Variants in ROBO1 observed in about 807,000 individuals in gnomAD.
ROBO1 encodes the protein roundabout guidance receptor 1.
ROBO1 carries 149 observed loss-of-function variants against 195.9 expected under a neutral mutation model. The ratio of observed to expected loss-of-function variants is 0.76; its 90% CI spans 0.67 to 0.87. The LOEUF (loss-of-function observed/expected upper bound fraction) is 0.87, where lower values mean the gene tolerates loss of function less well. Ranked by LOEUF, ROBO1 falls within the 40% of genes least tolerant of loss-of-function variation. ROBO1 has a pLI of 0.00. For missense variants in ROBO1, 1,933 were observed against 2,068.3 expected (o/e 0.93, Z 1.27); for synonymous variants, 816 against 733.2 (o/e 1.11, Z -1.82).
intron 8 of ROBO1, among the ~76,000 whole-genome samples, chr3:78,691,027 A>G (rs938547317): frequency 6.6e-6 from 1 of 152,190 alleles, no homozygotes; most frequent in Non-Finnish European, 1.5e-5. Context: ...TTGTAGGCAT[A>G]TTCTGAAGCC....
At chr3:78,962,046 G>A (rs879642931) in intron 3 of ROBO1, among the ~76,000 whole-genome samples, 8 of 151,836 alleles carry the variant, frequency 5.3e-5, no homozygotes, top group Non-Finnish European at 8.8e-5. Flanking sequence ...AGATAAATTC[G>A]TCAACCCTCA....
chr3:79,708,083 C>CA (rs953465506), intron 1 of ROBO1, among the ~76,000 whole-genome samples: 2 of 152,070 alleles, frequency 1.3e-5, no homozygotes, highest in Admixed American at 1.3e-4. Flanking sequence ...GCTACTGTGG[C>CA]ATATTGACCA....
intron 2 of ROBO1, among the ~76,000 whole-genome samples, chr3:79,446,500 G>T (rs1257697553): frequency 6.6e-6 from 1 of 152,074 alleles, no homozygotes; most frequent in Non-Finnish European, 1.5e-5. Context: ...AATTAGTGTT[G>T]CTTATAATAG....
chr3:79,740,111 T>C (rs942485892), intron 1 of ROBO1, among the ~76,000 whole-genome samples: 7 of 150,114 alleles, frequency 4.7e-5, no homozygotes, highest in African/African-American at 1.7e-4. Flanking sequence ...AATTCCACAA[T>C]TAAATGCACT....
chr3:79,685,811 A>T (rs1167286321), intron 1 of ROBO1, among the ~76,000 whole-genome samples: 3 of 152,148 alleles, frequency 2.0e-5, no homozygotes, highest in Non-Finnish European at 4.4e-5. Context: ...AGCTGGTACC[A>T]TTACTTCTGA....
chr3:79,059,946 G>A (rs1200167505), intron 3 of ROBO1, among the ~76,000 whole-genome samples: 1 of 152,006 alleles, frequency 6.6e-6, no homozygotes, highest in Admixed American at 6.6e-5. Flanking sequence ...GCCGAGCTGG[G>A]CAGAACAGAG....
chr3:79,696,095 G>A (rs116711124), intron 1 of ROBO1, among the ~76,000 whole-genome samples: 3,111 of 151,418 alleles, frequency 0.021, 113 homozygotes, highest in African/African-American at 0.072. Context: ...ATGTTAATAC[G>A]TGAGTATATT....
At chr3:79,335,061 G>A (rs2034609509) in intron 2 of ROBO1, among the ~76,000 whole-genome samples, 1 of 152,288 alleles carries the variant, frequency 6.6e-6, no homozygotes, top group South Asian at 2.1e-4. Context: ...AGGTTGCCAT[G>A]AGCCAAGATC....
At chr3:78,954,534 G>A (rs190673086) in intron 3 of ROBO1, among the ~76,000 whole-genome samples, 143 of 152,178 alleles carry the variant, frequency 9.4e-4, no homozygotes, top group Non-Finnish European at 1.7e-3. Flanking sequence ...TATTTCAGCT[G>A]TTAGAACCAA....
At chr3:79,432,878 A>G (rs566626468) in intron 2 of ROBO1, among the ~76,000 whole-genome samples, 1 of 152,292 alleles carries the variant, frequency 6.6e-6, no homozygotes, top group African/African-American at 2.4e-5. Context: ...ATTATTATTG[A>G]CTTGGAAATA....
Position 78,619,582 on chromosome 3 carries a change from A to T in ROBO1, c.3876-1541T>A, listed in dbSNP as rs551959054. Among the ~76,000 whole-genome samples the T allele has an allele frequency of 2.0e-5, 3 of 151,768 alleles. No homozygotes were observed. In the East Asian group the frequency reaches 6.0e-4, roughly 30 times the overall value. On this transcript the variant is annotated intron_variant, in intron 26 of 30. Coordinates refer to ENST00000464233, the MANE Select transcript of ROBO1 (RefSeq NM_002941.4). ...TTTCTCATTCCATCTTCCCTGCCTT[A>T]GCCCTAGGAGAATGCACCTGGCAGA...
rs66481962 is a variant in ROBO1 at position 79,381,373 on chromosome 3, AAAAAGAAAAG to A, written c.88+208441_88+208450del. ...TCCGTCTCAAAAAAAAAAAAAAAAA[AAAAAGAAAAG>A]AAAAGAAAAGAAAAGAAAAGAAATG... On this transcript the variant is annotated intron_variant, in intron 2 of 30. Transcript: ENST00000464233. Among the ~76,000 whole-genome samples, 181 of 115,436 alleles carry A rather than the reference AAAAAGAAAAG, an allele frequency of 1.6e-3. 1 individual carries two copies. Among genetic ancestry groups the A allele is most frequent in the Middle Eastern group, 5.3e-3 (1 of 190 alleles). The allele number at this position is 115,436 out of a possible 152,430, so 75.7% of individuals were successfully genotyped here.
rs544369170 is a variant in ROBO1, at chr3:78,779,495, CAT to C, written c.500-32597_500-32596del. ...AGAAGGCATTTATGCAGCCAACAAA[CAT>C]ATGAAAAAAAGCTCACCATCACTGG... On this transcript the variant is annotated intron_variant, in intron 4 of 30. Coordinates refer to ENST00000464233, the MANE Select transcript of ROBO1 (RefSeq NM_002941.4). Among the ~76,000 whole-genome samples, 27 of 152,224 alleles carry C rather than the reference CAT, an allele frequency of 1.8e-4. 1 individual carries two copies. The East Asian group carries it at 5.0e-3, about 28-fold the overall frequency.
intron 26 of ROBO1, among the ~76,000 whole-genome samples, chr3:78,619,442 G>C (rs1704319681): frequency 6.6e-6 from 1 of 151,774 alleles, no homozygotes; most frequent in Non-Finnish European, 1.5e-5. Flanking sequence ...AGTGGGATAA[G>C]TGAATGTCGG....
intron 2 of ROBO1, among the ~76,000 whole-genome samples, chr3:79,491,744 T>C (rs1352657015): frequency 6.6e-6 from 1 of 152,030 alleles, no homozygotes; most frequent in African/African-American, 2.4e-5. Flanking sequence ...CGGGAAGAAT[T>C]CAATGGTTAC....
chr3:78,950,839 C>A (rs909752876), intron 3 of ROBO1, among the ~76,000 whole-genome samples: 4 of 151,904 alleles, frequency 2.6e-5, no homozygotes, highest in African/African-American at 9.7e-5. Flanking sequence ...ATAAAGCTTT[C>A]CATGTACTGT....
intron 1 of ROBO1, among the ~76,000 whole-genome samples, chr3:79,709,681 T>C (rs1702198129): frequency 6.6e-6 from 1 of 152,136 alleles, no homozygotes; most frequent in Non-Finnish European, 1.5e-5. Flanking sequence ...GCTTTTGTTA[T>C]GCTCTCAATG....
intron 4 of ROBO1, among the ~76,000 whole-genome samples, chr3:78,880,789 T>G (rs536525953): frequency 5.9e-5 from 9 of 152,244 alleles, no homozygotes; most frequent in African/African-American, 2.2e-4. Context: ...CACAGTTTCA[T>G]AAGACAGGTC....
At chr3:79,195,744 AC>A (rs1300281564) in intron 2 of ROBO1, among the ~76,000 whole-genome samples, 2 of 151,490 alleles carry the variant, frequency 1.3e-5, no homozygotes, top group Non-Finnish European at 3.0e-5. Flanking sequence ...TTGAGAATTT[AC>A]TTCTTTGTTT....
Sources: gnomAD v4.1 joint callset for allele counts (sites outside exome capture counted in the v4.1 genomes callset) on GRCh38, gnomAD v4.1.1 for gene constraint, MANE v1.5 for transcripts, NCBI Gene and HGNC (gene_info 2026-07-23, HGNC 2026-07-21) for gene names.